ASTN2: variants seen among roughly 807,000 people sequenced by gnomAD.
The protein encoded by ASTN2 is astrotactin-2.
A neutral mutation model predicts 139.8 loss-of-function variants in ASTN2; 54 were observed. The observed-to-expected ratio is 0.39, with a 90% CI of 0.31 to 0.48. ASTN2 has a LOEUF of 0.48. ASTN2 is among the 20% of genes least tolerant of loss of function. The probability of loss-of-function intolerance (pLI) is 0.95; values close to 1 mark genes in which losing one functional copy is unlikely to be tolerated. For synonymous variants in ASTN2, 756 were observed against 719.5 expected, an observed-to-expected ratio of 1.05 and a Z score of -0.81; for missense variants, 1,565 against 1,725.1, an observed-to-expected ratio of 0.91 and a Z score of 1.64.
intron 16 of ASTN2, among the ~76,000 whole-genome samples, chr9:116,712,421 T>C (rs1441748): frequency 0.14 from 21,614 of 152,222 alleles, 1,615 homozygotes; most frequent in Middle Eastern, 0.2. Context: ...CAAGGCAATA[T>C]TTAATTTACT....
chr9:117,061,615 T>C (rs1293936062), intron 5 of ASTN2, among the ~76,000 whole-genome samples: 1 of 152,114 alleles, frequency 6.6e-6, no homozygotes, highest in Non-Finnish European at 1.5e-5. Context: ...ATCCTGAAGT[T>C]AGTGGGAGGC....
intron 1 of ASTN2, among the ~76,000 whole-genome samples, chr9:117,348,174 G>A (rs1829282731): frequency 6.6e-6 from 1 of 152,160 alleles, no homozygotes; most frequent in Non-Finnish European, 1.5e-5. Context: ...CGTCTCCCAA[G>A]GTGGGGAAGA....
At chr9:116,910,989 C>A (rs963449297) in intron 10 of ASTN2, among the ~76,000 whole-genome samples, 2 of 152,178 alleles carry the variant, frequency 1.3e-5, no homozygotes, top group Non-Finnish European at 2.9e-5. Context: ...CCAGAGGTAC[C>A]TGCCTTATAA....
At chr9:117,135,099 C>T (rs559581187) in intron 4 of ASTN2, among the ~76,000 whole-genome samples, 1 of 152,310 alleles carries the variant, frequency 6.6e-6, no homozygotes, top group East Asian at 1.9e-4. Context: ...AGAAGCTGCA[C>T]GTACTTCCTT....
chr9:116,610,197 C>T (rs1018065973), intron 19 of ASTN2, among the ~76,000 whole-genome samples: 2 of 152,172 alleles, frequency 1.3e-5, no homozygotes, highest in South Asian at 4.1e-4. Flanking sequence ...AACACCCCAA[C>T]TTTACGGTCT....
intron 17 of ASTN2, among the ~76,000 whole-genome samples, chr9:116,646,393 T>C (rs1857591308): frequency 1.3e-5 from 2 of 152,184 alleles, no homozygotes. Context: ...TGTTTTCTTG[T>C]ATCCATGTGG....
intron 19 of ASTN2, among the ~76,000 whole-genome samples, chr9:116,507,288 TCC>T (rs1177238637): frequency 1.3e-5 from 2 of 152,168 alleles, no homozygotes; most frequent in Admixed American, 1.3e-4. Flanking sequence ...TCACCTGACA[TCC>T]TCAGAGTCAG....
At chr9:117,339,298 G>A (rs778016558) in intron 1 of ASTN2, among the ~76,000 whole-genome samples, 7 of 152,102 alleles carry the variant, frequency 4.6e-5, no homozygotes, top group Admixed American at 6.6e-5. Flanking sequence ...CTCCACGAGC[G>A]CTCTTTCCAC....
In ASTN2 at chr9:117,214,747, A is replaced by G; in HGVS notation, c.631-5T>C. The stretch of plus-strand genomic sequence containing the variant: ...CAGCAGCGCGATGAGGCCACCCTGG[A>G]GCAGGAAGGAAGGACACACAAATGG... On this transcript the variant is annotated splice_region_variant and splice_polypyrimidine_tract_variant and intron_variant, in intron 2 of 22. Transcript: ENST00000313400. 6.8e-7 allele frequency: 1 copy of G among 1,480,424 alleles called. No individual in the cohort carries two copies. Among genetic ancestry groups the G allele is most frequent in the Non-Finnish European group, 9.0e-7 (1 of 1,115,384 alleles). 91.7% of individuals were successfully genotyped at this position (1,480,424 alleles called of 1,614,324 possible). A position where few individuals can be genotyped will look rare whatever the true frequency, so the allele number is the denominator to read the frequency against.
chr9:117,384,303 A>G (rs1197968820), intron 1 of ASTN2, among the ~76,000 whole-genome samples: 1 of 152,186 alleles, frequency 6.6e-6, no homozygotes, highest in African/African-American at 2.4e-5. Context: ...TAGGAGAAAT[A>G]TTGGATGGGA....
At chr9:117,367,953 G>A (rs1829889619) in intron 1 of ASTN2, among the ~76,000 whole-genome samples, 1 of 151,978 alleles carries the variant, frequency 6.6e-6, no homozygotes. Context: ...CCATGGTATG[G>A]AGTATGTGCT....
At chr9:116,849,048 G>C (rs1403839745) in intron 11 of ASTN2, among the ~76,000 whole-genome samples, 1 of 152,114 alleles carries the variant, frequency 6.6e-6, no homozygotes, top group Non-Finnish European at 1.5e-5. Flanking sequence ...TATGTTCCCT[G>C]GTTTATTATA....
At chr9:116,998,561 C>CCATCCATCCATCCATA (rs1554767986) in intron 7 of ASTN2, among the ~76,000 whole-genome samples, 5 of 151,962 alleles carry the variant, frequency 3.3e-5, no homozygotes, top group African/African-American at 1.2e-4. Context: ...ATCCATCCAT[C>CCATCCATCCATCCATA]CATCCATCCA....
chr9:116,669,458 C>T (rs116862021), intron 16 of ASTN2, among the ~76,000 whole-genome samples: 3,379 of 152,296 alleles, frequency 0.022, 56 homozygotes, highest in Middle Eastern at 0.044. Flanking sequence ...AAAGTGGCTG[C>T]GCATTTTGCA....
intron 15 of ASTN2, among the ~76,000 whole-genome samples, chr9:116,726,314 A>G (rs1156821545): frequency 6.6e-6 from 1 of 152,192 alleles, no homozygotes; most frequent in Non-Finnish European, 1.5e-5. Flanking sequence ...CACCCTCTTT[A>G]TGTAACTTAA....
intron 3 of ASTN2, among the ~76,000 whole-genome samples, chr9:117,185,437 G>A (rs180933928): frequency 2.3e-4 from 35 of 152,272 alleles, no homozygotes; most frequent in African/African-American, 4.8e-4. Flanking sequence ...TCACAGATGC[G>A]TGCTTTAGTA....
chr9:117,105,670 C>G (rs922842809), intron 4 of ASTN2, among the ~76,000 whole-genome samples: 3 of 152,136 alleles, frequency 2.0e-5, no homozygotes, highest in African/African-American at 7.2e-5. Context: ...TCCAGTCCTA[C>G]AAAAATCTCC....
chr9:117,336,853 C>T (rs1828900955), intron 1 of ASTN2, among the ~76,000 whole-genome samples: 1 of 151,950 alleles, frequency 6.6e-6, no homozygotes, highest in African/African-American at 2.4e-5. Flanking sequence ...TCCCAGAACT[C>T]GAAGCTTTAG....
intron 10 of ASTN2, among the ~76,000 whole-genome samples, chr9:116,907,394 C>T (rs563290635): frequency 1.3e-5 from 2 of 152,278 alleles, no homozygotes; most frequent in South Asian, 2.1e-4. Flanking sequence ...TGAGACAACC[C>T]CTCAGGGAAG....
Sources: gnomAD v4.1 joint callset for allele counts (sites outside exome capture counted in the v4.1 genomes callset) on GRCh38, gnomAD v4.1.1 for gene constraint, MANE v1.5 for transcripts, NCBI Gene and HGNC (gene_info 2026-07-23, HGNC 2026-07-21) for gene names.